CRIM1: variants seen among roughly 807,000 people sequenced by gnomAD.
CRIM1 encodes cysteine rich transmembrane BMP regulator 1.
CRIM1 carries 32 observed loss-of-function variants against 116.4 expected under a neutral mutation model. That is an observed-to-expected ratio of 0.27 (90% CI 0.21 to 0.37). The LOEUF is 0.37. Ranked by LOEUF, CRIM1 falls within the 10% of genes least tolerant of loss-of-function variation. The pLI, the probability that CRIM1 is intolerant of heterozygous loss-of-function variation, is 1.00. For missense variants in CRIM1, 1,331 were observed against 1,354.8 expected (o/e 0.98, Z 0.28); for synonymous variants, 590 against 509.2 (o/e 1.16, Z -2.13).
intron 8 of CRIM1, among the ~76,000 whole-genome samples, chr2:36,507,486 C>T (rs1681512647): frequency 6.6e-6 from 1 of 152,174 alleles, no homozygotes; most frequent in South Asian, 2.1e-4. Flanking sequence ...ATGGTTGTCC[C>T]TATACAGTGT....
chr2:36,446,197 A>G (rs1676230397), intron 4 of CRIM1, among the ~76,000 whole-genome samples: 2 of 152,180 alleles, frequency 1.3e-5, no homozygotes, highest in African/African-American at 4.8e-5. Flanking sequence ...ATCTTGAAGA[A>G]TACATTCCTC....
intron 2 of CRIM1, among the ~76,000 whole-genome samples, chr2:36,408,609 C>T (rs1336286003): frequency 6.6e-6 from 1 of 152,230 alleles, no homozygotes; most frequent in African/African-American, 2.4e-5. Flanking sequence ...CAGGGGTTCT[C>T]CGCCTCCTGC....
At chr2:36,390,500 A>C (rs1174537747) in intron 1 of CRIM1, among the ~76,000 whole-genome samples, 1 of 152,120 alleles carries the variant, frequency 6.6e-6, no homozygotes, top group East Asian at 1.9e-4. Flanking sequence ...GAAGATACTT[A>C]CTTTTCATGT....
chr2:36,480,611 T>C, intron 7 of CRIM1, among the ~76,000 whole-genome samples: 1 of 152,156 alleles, frequency 6.6e-6, no homozygotes. Context: ...ATCTTGTGCT[T>C]CCACCGAAAT....
At chr2:36,466,786 C>G (rs1363233422) in intron 5 of CRIM1, among the ~76,000 whole-genome samples, 1 of 152,188 alleles carries the variant, frequency 6.6e-6, no homozygotes, top group Non-Finnish European at 1.5e-5. Flanking sequence ...AAATGGGTTA[C>G]TTTGTAGGAA....
chr2:36,443,941 T>G (rs1442015050), intron 4 of CRIM1, among the ~76,000 whole-genome samples: 1 of 152,250 alleles, frequency 6.6e-6, no homozygotes, highest in Non-Finnish European at 1.5e-5. Context: ...GCAGCCACCT[T>G]CCTATGACAT....
At chr2:36,429,352 A>T (rs1674695244) in intron 2 of CRIM1, among the ~76,000 whole-genome samples, 1 of 152,208 alleles carries the variant, frequency 6.6e-6, no homozygotes, top group South Asian at 2.1e-4. Flanking sequence ...TCACTTTGGA[A>T]GCAGTCATGA....
chr2:36,377,857 T>A (rs1470391780), intron 1 of CRIM1, among the ~76,000 whole-genome samples: 1 of 152,204 alleles, frequency 6.6e-6, no homozygotes, highest in Non-Finnish European at 1.5e-5. Context: ...ACTCCCTGGC[T>A]GCTGGCAGGG....
rs367882463 is a variant in CRIM1, at chr2:36,548,733, C to T, written c.*32C>T. On this transcript the variant is annotated 3_prime_UTR_variant, in exon 17 of 17. Transcript: ENST00000280527. ...GCAACTAGGATGAGGTTTCAAAAGA[C>T]GGAAGACGACTAAATCTGCTCTAAA... The T allele has an allele frequency of 4.2e-5, 64 of 1,525,738 alleles. No individual in the cohort carries two copies. Among genetic ancestry groups the T allele is most frequent in the Admixed American group, 2.0e-4 (9 of 45,566 alleles). The allele number at this position is 1,525,738 out of a possible 1,614,324, so 94.5% of individuals were successfully genotyped here. A position where few individuals can be genotyped will look rare whatever the true frequency, so the allele number is the denominator to read the frequency against.
chr2:36,519,905 A>G (rs1053362637), intron 12 of CRIM1, among the ~76,000 whole-genome samples: 3 of 115,608 alleles, frequency 2.6e-5, no homozygotes, highest in Admixed American at 1.0e-4. Flanking sequence ...CATGGCAGAG[A>G]AGAGCGAGGG....
intron 1 of CRIM1, among the ~76,000 whole-genome samples, chr2:36,393,488 CAT>C (rs964683642): frequency 3.9e-5 from 6 of 151,942 alleles, no homozygotes; most frequent in African/African-American, 1.5e-4. Context: ...TCTATATACA[CAT>C]ATATGTATAA....
At chr2:36,391,792 T>C (rs1671626339) in intron 1 of CRIM1, among the ~76,000 whole-genome samples, 1 of 124,066 alleles carries the variant, frequency 8.1e-6, no homozygotes, top group Admixed American at 8.1e-5. Context: ...TTTGCACTAA[T>C]GGTGCAAAAA....
In CRIM1 at chr2:36,550,826, T is replaced by C. The variant is rs1437837662; in HGVS notation, c.*2125T>C. ...CTTTATCAAAAAAAATTGTAGATGC[T>C]TGCTTTTTGTTTTTTCAATCATGGC... On this transcript the variant is annotated 3_prime_UTR_variant, in exon 17 of 17. Coordinates refer to ENST00000280527, the MANE Select transcript of CRIM1 (RefSeq NM_016441.3). 6.6e-6 allele frequency: 1 copy of C among 152,280 alleles called. No individual in the cohort carries two copies. The highest frequency in any genetic ancestry group is 2.4e-5 in the African/African-American group (1 of 41,220). 9.4% of individuals were successfully genotyped at this position (152,280 alleles called of 1,614,324 possible).
intron 4 of CRIM1, among the ~76,000 whole-genome samples, chr2:36,463,474 CT>C (rs1224837498): frequency 1.3e-5 from 2 of 152,208 alleles, no homozygotes; most frequent in South Asian, 2.1e-4. Context: ...GCCAGGATGT[CT>C]TTTTTTAGGA....
intron 7 of CRIM1, among the ~76,000 whole-genome samples, chr2:36,495,214 C>T (rs571124878): frequency 5.3e-5 from 8 of 152,142 alleles, no homozygotes; most frequent in Non-Finnish European, 1.5e-5. Flanking sequence ...TTGTATTCTC[C>T]GACACACAGT....
chr2:36,478,273 CA>C (rs1463506661), intron 6 of CRIM1, among the ~76,000 whole-genome samples: 1 of 152,114 alleles, frequency 6.6e-6, no homozygotes, highest in Non-Finnish European at 1.5e-5. Context: ...GTGATGTTGA[CA>C]ATTAAAAAGA....
At position 36,543,884 on chromosome 2, in the gene CRIM1, T is replaced by C. The variant is rs560250091; in HGVS notation, c.2624-492T>C. On this transcript the variant is annotated intron_variant, in intron 14 of 16. Transcript: ENST00000280527. ...TTATACTCATGAGGTCTACCTACAGTCCATTCCCATTTAGGGGAAGAGAAA... is the reference window on the plus strand; with the variant it reads ...TTATACTCATGAGGTCTACCTACAGCCCATTCCCATTTAGGGGAAGAGAAA... Among the ~76,000 whole-genome samples the C allele has an allele frequency of 2.6e-5, 4 of 152,210 alleles. No homozygotes were observed. The South Asian group carries it at 8.3e-4, about 32-fold the overall frequency.
chr2:36,453,746 G>A (rs1436375837), intron 4 of CRIM1, among the ~76,000 whole-genome samples: 1 of 152,182 alleles, frequency 6.6e-6, no homozygotes, highest in Non-Finnish European at 1.5e-5. Flanking sequence ...TGTGTGCTTT[G>A]GTAGTAGAAG....
intron 2 of CRIM1, among the ~76,000 whole-genome samples, chr2:36,406,196 G>C (rs961366082): frequency 6.6e-6 from 1 of 152,106 alleles, no homozygotes; most frequent in Non-Finnish European, 1.5e-5. Flanking sequence ...TTTACTATGA[G>C]AGTATTATAT....
Sources: allele counts gnomAD v4.1 joint callset (sites outside exome capture counted in the v4.1 genomes callset), GRCh38; gene constraint gnomAD v4.1.1; transcripts MANE v1.5; gene names NCBI Gene and HGNC (gene_info 2026-07-23, HGNC 2026-07-21).